Variants in KCNIP1 observed in about 807,000 individuals in gnomAD.
KCNIP1 encodes A-type potassium channel modulatory protein KCNIP1.
In KCNIP1, 18 loss-of-function variants were observed where a neutral mutation model predicts 33.0. That is an observed-to-expected ratio of 0.55 (90% CI 0.38 to 0.81). KCNIP1 has a LOEUF of 0.81. Among genes scored for constraint, KCNIP1 ranks in the 30% least tolerant of loss-of-function variants. The pLI, the probability that KCNIP1 is intolerant of heterozygous loss-of-function variation, is 0.00. For missense variants in KCNIP1, 238 were observed against 271.6 expected (o/e 0.88, Z 0.87); for synonymous variants, 93 against 98.3 (o/e 0.95, Z 0.32).
chr5:170,712,158 T>C (rs961203648), intron 1 of KCNIP1, among the ~76,000 whole-genome samples: 3 of 152,196 alleles, frequency 2.0e-5, no homozygotes, highest in African/African-American at 7.2e-5. Context: ...GTCTGGTATT[T>C]TGTCTTGTAT....
intron 1 of KCNIP1, among the ~76,000 whole-genome samples, chr5:170,372,453 C>T (rs915881514): frequency 6.6e-6 from 1 of 152,086 alleles, no homozygotes; most frequent in Admixed American, 6.5e-5. Context: ...AACCTCCAGC[C>T]CCTCTTCCCT....
chr5:170,453,921 G>A (rs756305254), intron 1 of KCNIP1, among the ~76,000 whole-genome samples: 7 of 152,186 alleles, frequency 4.6e-5, no homozygotes, highest in Non-Finnish European at 1.0e-4. Flanking sequence ...TTCTCCCCAA[G>A]TTGAGCCTGA....
intron 1 of KCNIP1, among the ~76,000 whole-genome samples, chr5:170,357,847 T>C (rs1235623504): frequency 2.6e-5 from 4 of 152,194 alleles, no homozygotes; most frequent in Non-Finnish European, 1.5e-5. Context: ...TTTAGACCAC[T>C]GCTTCCCCTC....
exon 1 of KCNIP1, chr5:170,353,806 T>G: frequency 7.0e-7 from 1 of 1,434,306 alleles, no homozygotes; most frequent in Non-Finnish European, 9.7e-7. Flanking sequence ...GGCTCCAAGT[T>G]CCTGGGGTGC....
chr5:170,521,447 T>A (rs1307309944), intron 1 of KCNIP1, among the ~76,000 whole-genome samples: 1 of 152,248 alleles, frequency 6.6e-6, no homozygotes, highest in Non-Finnish European at 1.5e-5. Flanking sequence ...TATATGTGTG[T>A]TTAAACTCCT....
At chr5:170,398,373 A>G (rs1053609072) in intron 1 of KCNIP1, among the ~76,000 whole-genome samples, 1 of 152,252 alleles carries the variant, frequency 6.6e-6, no homozygotes, top group African/African-American at 2.4e-5. Flanking sequence ...AGATTTTGGT[A>G]TATATTTCAC....
intron 1 of KCNIP1, among the ~76,000 whole-genome samples, chr5:170,693,656 A>T (rs775471910): frequency 3.3e-5 from 5 of 152,240 alleles, no homozygotes; most frequent in Non-Finnish European, 7.3e-5. Context: ...ACTGCTTTGA[A>T]TTGACATGAA....
At chr5:170,550,875 A>G (rs190804139) in intron 1 of KCNIP1, among the ~76,000 whole-genome samples, 65 of 152,340 alleles carry the variant, frequency 4.3e-4, no homozygotes, top group Non-Finnish European at 8.4e-4. Context: ...GCTATGGCCA[A>G]TTGGCCACCA....
At chr5:170,506,199 C>T (rs1001568864) in intron 1 of KCNIP1, among the ~76,000 whole-genome samples, 1 of 152,186 alleles carries the variant, frequency 6.6e-6, no homozygotes, top group African/African-American at 2.4e-5. Flanking sequence ...AGAAAGATCT[C>T]AAGCCCTAGA....
chr5:170,582,833 G>A (rs1288699899), intron 1 of KCNIP1, among the ~76,000 whole-genome samples: 2 of 152,220 alleles, frequency 1.3e-5, no homozygotes, highest in Non-Finnish European at 2.9e-5. Context: ...AGTCAGCTGA[G>A]AACTGGATGT....
intron 1 of KCNIP1, among the ~76,000 whole-genome samples, chr5:170,421,091 A>G (rs969678277): frequency 6.6e-6 from 1 of 152,146 alleles, no homozygotes; most frequent in Non-Finnish European, 1.5e-5. Flanking sequence ...GGGCCTCAGG[A>G]TCAGCTCCCC....
At chr5:170,503,779 C>T (rs1754570989), upstream of KCNIP1, among the ~76,000 whole-genome samples, 1 of 151,154 alleles carries the variant, frequency 6.6e-6, no homozygotes, top group African/African-American at 2.4e-5. Context: ...CACACACAGT[C>T]TCCCTGGGGC....
At chr5:170,529,195 A>G (rs964894807) in intron 1 of KCNIP1, among the ~76,000 whole-genome samples, 2 of 152,178 alleles carry the variant, frequency 1.3e-5, no homozygotes, top group Non-Finnish European at 2.9e-5. Flanking sequence ...TCTCTGTCTC[A>G]GCTCTGCTCT....
chr5:170,447,824 G>A (rs1017463307), intron 1 of KCNIP1, among the ~76,000 whole-genome samples: 1 of 151,818 alleles, frequency 6.6e-6, no homozygotes, highest in Non-Finnish European at 1.5e-5. Context: ...CCTTGACTGA[G>A]ACAAGTTGTC....
intron 1 of KCNIP1, among the ~76,000 whole-genome samples, chr5:170,432,897 G>A (rs2113449600): frequency 1.3e-5 from 2 of 152,338 alleles, no homozygotes; most frequent in Admixed American, 1.3e-4. Flanking sequence ...CTGAAGGAAA[G>A]GAATAGGGAT....
chr5:170,718,751 G>T lies in KCNIP1; in HGVS notation c.62-7G>T, dbSNP rs1434476669. 2 of 1,613,606 alleles carry T rather than the reference G, an allele frequency of 1.2e-6. No homozygotes were observed. The highest frequency in any genetic ancestry group is 1.7e-5 in the Admixed American group (1 of 59,984). ...AACCATTCCAATGCCATCTCCTCTGGTTCCAGATAAGATTGAAGATGAGCT... is the reference window on the plus strand; with the variant it reads ...AACCATTCCAATGCCATCTCCTCTGTTTCCAGATAAGATTGAAGATGAGCT... On this transcript the variant is annotated splice_polypyrimidine_tract_variant and splice_region_variant and intron_variant, in intron 1 of 7. Coordinates refer to ENST00000328939, the MANE Select transcript of KCNIP1 (RefSeq NM_014592.4).
At chr5:170,510,847 C>T (rs1440469668) in intron 1 of KCNIP1, among the ~76,000 whole-genome samples, 1 of 152,206 alleles carries the variant, frequency 6.6e-6, no homozygotes. Context: ...AAATAAGAGT[C>T]TTGGGATTGA....
intron 1 of KCNIP1, among the ~76,000 whole-genome samples, chr5:170,693,550 C>A (rs749415014): frequency 2.0e-5 from 3 of 152,148 alleles, no homozygotes; most frequent in Non-Finnish European, 4.4e-5. Context: ...GAGAGCCAAG[C>A]CATTCAAACT....
chr5:170,418,242 C>T (rs1444769582), intron 1 of KCNIP1, among the ~76,000 whole-genome samples: 4 of 152,078 alleles, frequency 2.6e-5, no homozygotes, highest in African/African-American at 9.7e-5. Flanking sequence ...ACCAGCCTGA[C>T]CAACATGGAG....
Sources: allele counts gnomAD v4.1 joint callset (sites outside exome capture counted in the v4.1 genomes callset), GRCh38; gene constraint gnomAD v4.1.1; transcripts MANE v1.5; gene names NCBI Gene and HGNC (gene_info 2026-07-23, HGNC 2026-07-21).